The following CCDC88C variants were observed in gnomAD, a reference collection of about 807,000 sequenced individuals.
CCDC88C encodes coiled-coil and HOOK domain protein 88C.
In CCDC88C, 131 loss-of-function variants were observed where a neutral mutation model predicts 198.8. The observed-to-expected ratio is 0.66, with a 90% CI of 0.57 to 0.76. The LOEUF is 0.76. Among genes scored for constraint, CCDC88C ranks in the 30% least tolerant of loss-of-function variants. The pLI is 0.00. For missense variants in CCDC88C, 2,553 were observed against 2,631.6 expected, an observed-to-expected ratio of 0.97 and a Z score of 0.65; for synonymous variants, 1,166 against 1,114.7, an observed-to-expected ratio of 1.05 and a Z score of -0.92.
In CCDC88C at chr14:91,278,131, G is replaced by T. The variant is rs778550554; in HGVS notation, c.4849C>A (p.Pro1617Thr). 12 of 1,613,296 alleles carry T rather than the reference G, an allele frequency of 7.4e-6. No individual in the cohort carries two copies. In the Admixed American group the frequency reaches 1.7e-4, roughly 22 times the overall value. The change falls in exon 29 of 30, where the codon CCC becomes ACC. Residue 1617 changes from proline (P) to threonine (T), a missense_variant. Pro to Thr is a conservative substitution (Grantham distance 38). Around this residue, in one of 2 missense-constraint regions of CCDC88C, gnomAD observed 1,293 missense variants for 1,219.6 expected, o/e 1.06. Coordinates refer to ENST00000389857, the MANE Select transcript of CCDC88C (RefSeq NM_001080414.4). ...CGTCCCGGTGTGCTGGCTTCCCGGG[G>T]CAAAGTGGCCAGGTCCCTGCTGGGG... ...LIPSRDLATL[P>T]REASTPGRNA...
Position 91,281,607 on chromosome 14 carries a change from C to G in CCDC88C, c.4631-82G>C, listed in dbSNP as rs1192799406. 3 of 1,215,020 alleles carry G rather than the reference C, an allele frequency of 2.5e-6. No homozygotes were observed. In the East Asian group the frequency reaches 7.2e-5, roughly 29 times the overall value. 75.3% of individuals were successfully genotyped at this position (1,215,020 alleles called of 1,614,324 possible). On this transcript the variant is annotated intron_variant, in intron 26 of 29. Transcript: ENST00000389857. ...GAACCCCGCCACCTCGCCTGGCACCCGGATCCCAGTAGCTCCAGCTCTTGG... is the reference window on the plus strand; with the variant it reads ...GAACCCCGCCACCTCGCCTGGCACCGGGATCCCAGTAGCTCCAGCTCTTGG...
intron 3 of CCDC88C, among the ~76,000 whole-genome samples, chr14:91,360,588 C>G (rs1016999230): frequency 1.3e-5 from 2 of 152,210 alleles, no homozygotes; most frequent in African/African-American, 4.8e-5. Flanking sequence ...ATAGCATGGG[C>G]TTCCTAAGCG....
intron 4 of CCDC88C, among the ~76,000 whole-genome samples, chr14:91,344,657 G>A (rs1022485649): frequency 1.3e-4 from 19 of 151,064 alleles, no homozygotes; most frequent in African/African-American, 3.2e-4. Context: ...GACTACAGGC[G>A]GCCACCACCG....
chr14:91,292,580 C>T (rs1378066378), intron 23 of CCDC88C, among the ~76,000 whole-genome samples: 1 of 152,138 alleles, frequency 6.6e-6, no homozygotes, highest in Non-Finnish European at 1.5e-5. Flanking sequence ...AAAGGAGCAT[C>T]GTTACATCAG....
rs1432679453 is a variant in CCDC88C at position 91,293,587 on chromosome 14, C to CACCT, written c.4112+585_4112+586insAGGT. ...GCCACGGCCCACCTTCCTGTCCCCT[C>CACCT]GCCTGCCATGGCCCACCTCCTGTGG... On this transcript the variant is annotated intron_variant, in intron 23 of 29. Transcript: ENST00000389857. Among the ~76,000 whole-genome samples, 40 of 149,568 alleles carry CACCT rather than the reference C, an allele frequency of 2.7e-4. 6 individuals are homozygous for CACCT. The highest frequency in any genetic ancestry group is 5.3e-4 in the Admixed American group (8 of 15,004).
chr14:91,297,273 G>A (rs1249067221), intron 22 of CCDC88C, 32 bp downstream of exon 22: 2 of 1,601,468 alleles, frequency 1.2e-6, no homozygotes, highest in Non-Finnish European at 1.7e-6. Context: ...ACTCATCCCT[G>A]TCTCCCGAGG....
chr14:91,344,195 G>A (rs1457237719), intron 4 of CCDC88C, among the ~76,000 whole-genome samples: 1 of 152,186 alleles, frequency 6.6e-6, no homozygotes, highest in Non-Finnish European at 1.5e-5. Context: ...TATGTCGTAA[G>A]TATCTCCCCA....
In CCDC88C at chr14:91,338,408, G is replaced by T; in HGVS notation, c.891+81C>A. The T allele has an allele frequency of 7.9e-7, 1 of 1,258,002 alleles. No individual in the cohort carries two copies. Among genetic ancestry groups the T allele is most frequent in the Non-Finnish European group, 1.1e-6 (1 of 881,494 alleles). The allele number at this position is 1,258,002 out of a possible 1,614,324, so 77.9% of individuals were successfully genotyped here. ...TGTGGCTTAAAAGCGCTGCTGTTGA[G>T]CTCCTGACCCTCCAGGCCCCGTTAC... On this transcript the variant is annotated intron_variant, in intron 9 of 29. Transcript: ENST00000389857. The surrounding 1 kb of genome is among the most constrained non-coding windows in gnomAD (Gnocchi z 4.8).
At chr14:91,289,890 C>T (rs1027909815) in intron 24 of CCDC88C, among the ~76,000 whole-genome samples, 4 of 152,128 alleles carry the variant, frequency 2.6e-5, no homozygotes, top group South Asian at 2.1e-4. Flanking sequence ...GCTCTCACCC[C>T]GTCTCTGAAA....
intron 10 of CCDC88C, among the ~76,000 whole-genome samples, chr14:91,326,822 TACAA>T (rs1447022173): frequency 6.6e-6 from 1 of 152,240 alleles, no homozygotes; most frequent in Non-Finnish European, 1.5e-5. Flanking sequence ...CTGAGTATCT[TACAA>T]ACACTCTTAG....
chr14:91,274,705 C>T (rs1596010437), intron 29 of CCDC88C, among the ~76,000 whole-genome samples: 1 of 152,324 alleles, frequency 6.6e-6, no homozygotes, highest in East Asian at 1.9e-4. Flanking sequence ...TCACAGGTAC[C>T]TTTCATCACC....
In CCDC88C at chr14:91,401,253, TATAATATATAC is replaced by T. The variant is rs1211598782; in HGVS notation, c.270+7395_270+7405del. Among the ~76,000 whole-genome samples the T allele has an allele frequency of 6.2e-4, 91 of 145,722 alleles. 1 individual carries two copies. The East Asian group carries it at 0.017, about 27-fold the overall frequency. ...ATATATATTTATATATTATATATTA[TATAATATATAC>T]ATTATATATATTATATATTATATAC... On this transcript the variant is annotated intron_variant, in intron 3 of 29. Transcript: ENST00000389857.
At chr14:91,410,234 A>G (rs1886725013) in intron 2 of CCDC88C, among the ~76,000 whole-genome samples, 1 of 152,216 alleles carries the variant, frequency 6.6e-6, no homozygotes, top group African/African-American at 2.4e-5. Context: ...GCTGCTTTTC[A>G]TAACAAAGGC....
intron 3 of CCDC88C, among the ~76,000 whole-genome samples, chr14:91,362,725 C>T (rs533249710): frequency 2.0e-4 from 31 of 152,164 alleles, no homozygotes; most frequent in African/African-American, 4.6e-4. Flanking sequence ...GTCAGGAGAT[C>T]GAGACCATCC....
At chr14:91,397,613 C>A (rs1311709794) in intron 3 of CCDC88C, among the ~76,000 whole-genome samples, 1 of 152,372 alleles carries the variant, frequency 6.6e-6, no homozygotes, top group East Asian at 1.9e-4. Flanking sequence ...TGCTTCCTGC[C>A]GCTCTGGGGT....
At chr14:91,317,683 GC>G (rs1467388205) in intron 13 of CCDC88C, among the ~76,000 whole-genome samples, 1 of 152,252 alleles carries the variant, frequency 6.6e-6, no homozygotes, top group Non-Finnish European at 1.5e-5. Flanking sequence ...ACACAGGACA[GC>G]CCTGCCTGCA....
intron 3 of CCDC88C, among the ~76,000 whole-genome samples, chr14:91,399,838 CA>C (rs71120133): frequency 0.014 from 1,032 of 75,144 alleles, 4 homozygotes; most frequent in Non-Finnish European, 0.02. Context: ...GACTCCCTCT[CA>C]AAAAAAAAAA....
At chr14:91,376,998 C>G (rs1027406063) in intron 3 of CCDC88C, among the ~76,000 whole-genome samples, 2 of 151,912 alleles carry the variant, frequency 1.3e-5, no homozygotes, top group African/African-American at 2.4e-5. Flanking sequence ...GCCCGCCCCC[C>G]CTCCCTAACC....
intron 3 of CCDC88C, among the ~76,000 whole-genome samples, chr14:91,374,343 G>A (rs2139935425): frequency 1.3e-5 from 2 of 152,340 alleles, no homozygotes; most frequent in East Asian, 3.9e-4. Context: ...CTAATGCAAG[G>A]TCCATTTGAT....
Sources: gnomAD v4.1 joint callset for allele counts (sites outside exome capture counted in the v4.1 genomes callset) on GRCh38, gnomAD v4.1.1 for gene constraint, gnomAD v4.1.1 regional missense constraint, Gnocchi (gnomAD v3.1) non-coding constraint, MANE v1.5 for transcripts, NCBI Gene and HGNC (gene_info 2026-07-23, HGNC 2026-07-21) for gene names.